The following ATP2B2 variants were observed in gnomAD, a reference collection of about 807,000 sequenced individuals.
The protein encoded by ATP2B2 is ATPase plasma membrane Ca2+ transporting 2.
A neutral mutation model predicts 120.0 loss-of-function variants in ATP2B2; 15 were observed. The observed-to-expected ratio is 0.12, with a 90% CI of 0.08 to 0.19. ATP2B2 has a LOEUF of 0.19. Ranked by LOEUF, ATP2B2 falls within the 10% of genes least tolerant of loss-of-function variation. The pLI is 1.00. For missense variants in ATP2B2, 1,045 were observed against 1,719.8 expected, an observed-to-expected ratio of 0.61 and a Z score of 6.94; for synonymous variants, 694 against 700.3, an observed-to-expected ratio of 0.99 and a Z score of 0.14.
intron 1 of ATP2B2, among the ~76,000 whole-genome samples, chr3:10,676,288 TTGTGG>T (rs761956961): frequency 1.3e-5 from 2 of 152,180 alleles, no homozygotes; most frequent in Non-Finnish European, 2.9e-5. Context: ...TGGATCCCCT[TTGTGG>T]GTTCCAGCCA....
chr3:10,655,357 A>C (rs1035145155), intron 1 of ATP2B2, among the ~76,000 whole-genome samples: 1 of 152,240 alleles, frequency 6.6e-6, no homozygotes, highest in African/African-American at 2.4e-5. Flanking sequence ...GAAGCTTGTT[A>C]GAAATGCAAA....
At chr3:10,694,090 G>A (rs569093397) in intron 1 of ATP2B2, among the ~76,000 whole-genome samples, 1 of 152,352 alleles carries the variant, frequency 6.6e-6, no homozygotes, top group African/African-American at 2.4e-5. Context: ...CATAAATAAA[G>A]TATAATACCA....
chr3:10,351,848 C>T (rs2060588232), intron 14 of ATP2B2, among the ~76,000 whole-genome samples: 1 of 152,210 alleles, frequency 6.6e-6, no homozygotes, highest in Non-Finnish European at 1.5e-5. Context: ...GGCCAGCAAG[C>T]CACTGGAAGC....
intron 1 of ATP2B2, among the ~76,000 whole-genome samples, chr3:10,644,467 C>G (rs531363192): frequency 6.6e-6 from 1 of 152,294 alleles, no homozygotes; most frequent in Admixed American, 6.5e-5. Context: ...CACATATGTT[C>G]ACAACAGCGC....
chr3:10,371,657 C>G lies in ATP2B2; in HGVS notation c.1659+152G>C, dbSNP rs55970333. 0.52 allele frequency: 621,706 copies of G among 1,189,324 alleles called. 165,919 individuals are homozygous for G. The highest frequency in any genetic ancestry group is 0.72 in the South Asian group (52,431 of 72,748). 73.7% of individuals were successfully genotyped at this position (1,189,324 alleles called of 1,614,324 possible). ...TGTAGCAATATTAATAGTATATTAA[C>G]TCAAACAGAAACATGTTGCTTACTA... On this transcript the variant is annotated intron_variant, in intron 12 of 22. Coordinates refer to ENST00000360273, the MANE Select transcript of ATP2B2 (RefSeq NM_001001331.4).
At chr3:10,511,952 G>A (rs959992677) in intron 3 of ATP2B2, among the ~76,000 whole-genome samples, 5 of 152,166 alleles carry the variant, frequency 3.3e-5, no homozygotes, top group South Asian at 2.1e-4. Context: ...GAAAGGGAGC[G>A]GGTGGGGATG....
intron 14 of ATP2B2, among the ~76,000 whole-genome samples, chr3:10,354,164 C>T (rs1261785058): frequency 6.6e-6 from 1 of 152,128 alleles, no homozygotes; most frequent in Non-Finnish European, 1.5e-5. Context: ...TTCCTGATTC[C>T]TGCACCCCAA....
chr3:10,462,884 C>T (rs527744140), intron 1 of ATP2B2, among the ~76,000 whole-genome samples: 11 of 152,146 alleles, frequency 7.2e-5, no homozygotes, highest in South Asian at 2.1e-4. Context: ...CCTTGGGGTC[C>T]GAGTTGGCCT....
chr3:10,531,604 T>TATGAATAC (rs2067211675), intron 3 of ATP2B2, among the ~76,000 whole-genome samples: 2 of 152,220 alleles, frequency 1.3e-5, no homozygotes, highest in African/African-American at 4.8e-5. Flanking sequence ...TTTTTGTGAC[T>TATGAATAC]ATGAATTCAT....
intron 22 of ATP2B2, among the ~76,000 whole-genome samples, chr3:10,337,718 A>C (rs182226413): frequency 1.3e-5 from 2 of 152,158 alleles, no homozygotes; most frequent in African/African-American, 4.8e-5. Context: ...TGGGGAGAGC[A>C]ACTGAAGCCC....
chr3:10,578,935 T>G (rs1174456692), intron 2 of ATP2B2, among the ~76,000 whole-genome samples: 2 of 152,308 alleles, frequency 1.3e-5, no homozygotes, highest in South Asian at 2.1e-4. Context: ...GAAGGGGCGG[T>G]GGCCTCCTGG....
intron 2 of ATP2B2, among the ~76,000 whole-genome samples, chr3:10,590,828 G>A (rs1001664938): frequency 1.3e-4 from 20 of 152,260 alleles, no homozygotes; most frequent in African/African-American, 4.6e-4. Context: ...TGGGAACTGA[G>A]GACCAAGTTT....
chr3:10,657,273 C>T (rs548716224), intron 1 of ATP2B2, among the ~76,000 whole-genome samples: 10 of 152,302 alleles, frequency 6.6e-5, no homozygotes, highest in South Asian at 2.1e-4. Context: ...TTGCACATGC[C>T]GTTCCCTCTT....
At chr3:10,610,067 A>G (rs2069186927) in intron 2 of ATP2B2, among the ~76,000 whole-genome samples, 1 of 83,942 alleles carries the variant, frequency 1.2e-5, no homozygotes, top group Non-Finnish European at 2.3e-5. Flanking sequence ...ACATATACAT[A>G]TACACACATA....
rs2059890656 is a variant in ATP2B2, at chr3:10,328,113, A to G, written c.*701T>C. On this transcript the variant is annotated 3_prime_UTR_variant, in exon 23 of 23. Transcript: ENST00000360273. ...GCAAAGAAACTTTATATATCCATGT[A>G]TATATATTTATATATATATATATAT... The G allele has an allele frequency of 6.8e-6, 1 of 148,056 alleles. No individual in the cohort carries two copies. The highest frequency in any genetic ancestry group is 1.5e-5 in the Non-Finnish European group (1 of 67,092). The allele number at this position is 148,056 out of a possible 1,614,324, so 9.2% of individuals were successfully genotyped here.
At chr3:10,527,482 A>G (rs865836363) in intron 3 of ATP2B2, among the ~76,000 whole-genome samples, 1 of 152,164 alleles carries the variant, frequency 6.6e-6, no homozygotes, top group Non-Finnish European at 1.5e-5. Context: ...GAGCACTCCT[A>G]TGGAGCTGGG....
rs1242284846 is a variant in ATP2B2, at chr3:10,347,146, G to C, written c.2405-1009C>G. On this transcript the variant is annotated intron_variant, in intron 16 of 22. Transcript: ENST00000360273. This position sits in a 1 kb window ranked among gnomAD's most constrained non-coding sequence, Gnocchi z 5.2. ...CTTAGCTCCACTTATGAAGTCCTCT[G>C]TGACCAGGCCTCACTCACATCCTGA... Among the ~76,000 whole-genome samples the C allele has an allele frequency of 2.0e-5, 3 of 152,088 alleles. No homozygotes were observed. The highest frequency in any genetic ancestry group is 7.2e-5 in the African/African-American group (3 of 41,386).
chr3:10,704,312 G>A (rs914975032), intron 1 of ATP2B2, among the ~76,000 whole-genome samples: 1 of 152,076 alleles, frequency 6.6e-6, no homozygotes, highest in African/African-American at 2.4e-5. Flanking sequence ...CATATGGCAG[G>A]GGCTTAAAAC....
At chr3:10,654,622 C>T (rs1192170768) in intron 1 of ATP2B2, among the ~76,000 whole-genome samples, 1 of 152,094 alleles carries the variant, frequency 6.6e-6, no homozygotes, top group African/African-American at 2.4e-5. Flanking sequence ...GGATCCGCCT[C>T]CCTCCAGCAT....
Sources: gnomAD v4.1 joint callset for allele counts (sites outside exome capture counted in the v4.1 genomes callset) on GRCh38, gnomAD v4.1.1 for gene constraint, Gnocchi (gnomAD v3.1) non-coding constraint, MANE v1.5 for transcripts, NCBI Gene and HGNC (gene_info 2026-07-23, HGNC 2026-07-21) for gene names.